The following PAWR variants were observed in gnomAD, a reference collection of about 807,000 sequenced individuals.
PAWR encodes pro-apoptotic WT1 regulator.
Under a neutral mutation model 32.0 loss-of-function variants are expected in PAWR, and 23 were observed. The ratio of observed to expected loss-of-function variants is 0.72; its 90% CI spans 0.52 to 1.02. The LOEUF is 1.02. Ranked by LOEUF, PAWR falls within the 50% of genes least tolerant of loss-of-function variation. The probability of loss-of-function intolerance (pLI) is 0.00; values close to 1 mark genes in which losing one functional copy is unlikely to be tolerated. For missense variants in PAWR, 457 were observed against 437.7 expected, an observed-to-expected ratio of 1.04 and a Z score of -0.39; for synonymous variants, 226 against 187.1, an observed-to-expected ratio of 1.21 and a Z score of -1.70.
intron 2 of PAWR, among the ~76,000 whole-genome samples, chr12:79,645,620 C>T (rs926228299): frequency 3.0e-4 from 46 of 152,154 alleles, no homozygotes; most frequent in African/African-American, 1.0e-3. Context: ...CTCATCTGGG[C>T]CTGTACAAAG....
Position 79,690,358 on chromosome 12 carries a change from G to T in PAWR, c.-114C>A. The T allele has an allele frequency of 7.4e-7, 1 of 1,349,758 alleles. No homozygotes were observed. Among genetic ancestry groups the T allele is most frequent in the East Asian group, 3.1e-5 (1 of 32,192 alleles). The allele number at this position is 1,349,758 out of a possible 1,614,324, so 83.6% of individuals were successfully genotyped here. On this transcript the variant is annotated 5_prime_UTR_variant, in exon 2 of 7. Transcript: ENST00000328827. ...ATGCCAGGAGACGACCTCCAGGAGA[G>T]GGACGGCCGCCGCTCCCACAGCAGC...
chr12:79,656,027 G>C (rs1877077578), intron 2 of PAWR, among the ~76,000 whole-genome samples: 1 of 152,158 alleles, frequency 6.6e-6, no homozygotes, highest in Non-Finnish European at 1.5e-5. Context: ...TCAGGCAAAG[G>C]GTAGTAAATC....
intron 2 of PAWR, chr12:79,688,367 C>A (rs951123605): frequency 6.7e-6 from 1 of 149,416 alleles, no homozygotes; most frequent in Non-Finnish European, 1.5e-5. Context: ...ATGACAAATT[C>A]TTTTATTTGG....
At chr12:79,621,247 AAT>A (rs1270658989) in intron 2 of PAWR, 40 bp from the exon 3 acceptor site, 1 of 1,457,734 alleles carries the variant, frequency 6.9e-7, no homozygotes, top group East Asian at 2.3e-5. Flanking sequence ...TTCTACTATT[AAT>A]AGACTGTTTC....
At chr12:79,660,049 C>T (rs1877276073) in intron 2 of PAWR, among the ~76,000 whole-genome samples, 1 of 152,102 alleles carries the variant, frequency 6.6e-6, no homozygotes, top group Non-Finnish European at 1.5e-5. Flanking sequence ...TAGTGCCAGG[C>T]CCATATTAAC....
At chr12:79,653,973 G>T (rs961961136) in intron 2 of PAWR, among the ~76,000 whole-genome samples, 2 of 152,112 alleles carry the variant, frequency 1.3e-5, no homozygotes, top group Non-Finnish European at 2.9e-5. Context: ...GTAAATCACA[G>T]AAAAATCAAG....
At chr12:79,600,407 A>T (rs1873912362) in intron 4 of PAWR, among the ~76,000 whole-genome samples, 1 of 151,968 alleles carries the variant, frequency 6.6e-6, no homozygotes, top group African/African-American at 2.4e-5. Context: ...TATATTTTTA[A>T]ATTATTTATG....
chr12:79,661,309 C>T (rs1262571561), intron 2 of PAWR, among the ~76,000 whole-genome samples: 3 of 148,260 alleles, frequency 2.0e-5, no homozygotes, highest in South Asian at 2.1e-4. Context: ...AATATTTCTA[C>T]AATCTGTCCT....
intron 4 of PAWR, among the ~76,000 whole-genome samples, chr12:79,608,905 C>A (rs887500676): frequency 2.6e-5 from 4 of 152,072 alleles, no homozygotes; most frequent in Non-Finnish European, 5.9e-5. Flanking sequence ...GTTAGCCAGG[C>A]ATGGTGGCAG....
intron 2 of PAWR, among the ~76,000 whole-genome samples, chr12:79,686,498 G>A (rs868213217): frequency 6.6e-6 from 1 of 152,096 alleles, no homozygotes; most frequent in Non-Finnish European, 1.5e-5. Flanking sequence ...AAATATTAAT[G>A]CCTGGGATCC....
chr12:79,599,701 T>C (rs533642826), intron 4 of PAWR, among the ~76,000 whole-genome samples: 1 of 152,370 alleles, frequency 6.6e-6, no homozygotes, highest in East Asian at 1.9e-4. Context: ...GAGTTAGTCT[T>C]CGTATCACTG....
chr12:79,605,041 T>C (rs1018002082), intron 4 of PAWR, among the ~76,000 whole-genome samples: 16 of 151,800 alleles, frequency 1.1e-4, no homozygotes, highest in African/African-American at 3.4e-4. Context: ...ACATGAATAG[T>C]TCTCAGATAA....
chr12:79,630,183 A>G (rs1355813180), intron 2 of PAWR, among the ~76,000 whole-genome samples: 1 of 152,080 alleles, frequency 6.6e-6, no homozygotes, highest in Non-Finnish European at 1.5e-5. Context: ...AGATAAAATT[A>G]GTAAACCTCT....
chr12:79,588,123 T>C lies in PAWR; in HGVS notation c.*4484A>G, dbSNP rs1474900773. The C allele has an allele frequency of 6.6e-6, 1 of 151,964 alleles. No individual in the cohort carries two copies. The highest frequency in any genetic ancestry group is 1.5e-5 in the Non-Finnish European group (1 of 67,840). The allele number at this position is 151,964 out of a possible 1,614,324, so 9.4% of individuals were successfully genotyped here. Reference sequence around the variant, plus strand: ...CCAAGAAATAAGTTCACCAAAAAAGTAGCATACACCTATTTGGTATCCAGA... The same window carrying C: ...CCAAGAAATAAGTTCACCAAAAAAGCAGCATACACCTATTTGGTATCCAGA... On this transcript the variant is annotated 3_prime_UTR_variant, in exon 7 of 7. Transcript: ENST00000328827.
chr12:79,631,969 C>G (rs1478391525), intron 2 of PAWR: 1 of 151,322 alleles, frequency 6.6e-6, no homozygotes, highest in Non-Finnish European at 1.5e-5. Context: ...CCCGTCTCTA[C>G]TAAAATACAG....
chr12:79,636,702 T>C (rs1875976095), intron 2 of PAWR, among the ~76,000 whole-genome samples: 1 of 152,170 alleles, frequency 6.6e-6, no homozygotes, highest in African/African-American at 2.4e-5. Flanking sequence ...ATGAATGCAA[T>C]AGTTTATTCA....
chr12:79,666,583 C>T (rs972968646), intron 2 of PAWR, among the ~76,000 whole-genome samples: 1 of 152,116 alleles, frequency 6.6e-6, no homozygotes, highest in South Asian at 2.1e-4. Flanking sequence ...AATATTACAA[C>T]AAACTAAAGG....
chr12:79,623,187 G>A (rs928648967), intron 2 of PAWR, among the ~76,000 whole-genome samples: 1 of 152,116 alleles, frequency 6.6e-6, no homozygotes, highest in African/African-American at 2.4e-5. Flanking sequence ...AACAGAGTCA[G>A]TGAAAGAAAT....
chr12:79,608,374 A>T (rs1409388362), intron 4 of PAWR, among the ~76,000 whole-genome samples: 1 of 152,192 alleles, frequency 6.6e-6, no homozygotes, highest in Admixed American at 6.5e-5. Context: ...ATTCTCATAA[A>T]GGAGCATGTA....
Sources: allele counts gnomAD v4.1 joint callset (sites outside exome capture counted in the v4.1 genomes callset), GRCh38; gene constraint gnomAD v4.1.1; transcripts MANE v1.5; gene names NCBI Gene and HGNC (gene_info 2026-07-23, HGNC 2026-07-21).